MAF: variants seen among roughly 807,000 people sequenced by gnomAD.
MAF encodes the protein transcription factor Maf.
In MAF, 10 loss-of-function variants were observed where a neutral mutation model predicts 22.0. That is an observed-to-expected ratio of 0.45 (90% CI 0.28 to 0.77). The LOEUF is 0.77. Ranked by LOEUF, MAF falls within the 30% of genes least tolerant of loss-of-function variation. MAF has a pLI of 0.12. For synonymous variants in MAF, 337 were observed against 255.8 expected (o/e 1.32, Z -3.03); for missense variants, 544 against 548.4 (o/e 0.99, Z 0.08).
chr16:79,562,165 A>G, the MAF span, among the ~76,000 whole-genome samples: 4 of 152,112 alleles, frequency 2.6e-5, no homozygotes, highest in Non-Finnish European at 4.4e-5. Context: ...TCAACTTAAA[A>G]CATGTAATAT....
chr16:79,593,147 A>C (rs1913281755), downstream of MAF, among the ~76,000 whole-genome samples: 1 of 152,232 alleles, frequency 6.6e-6, no homozygotes, highest in South Asian at 2.1e-4. Context: ...CAGACTTTTA[A>C]ATATATTGAT....
chr16:79,573,161 G>A, the MAF span, among the ~76,000 whole-genome samples: 1 of 152,132 alleles, frequency 6.6e-6, no homozygotes, highest in Admixed American at 6.6e-5. Context: ...TTTATATTAA[G>A]GAAATTAGGT....
chr16:79,335,296 A>G, the MAF span, among the ~76,000 whole-genome samples: 2 of 152,098 alleles, frequency 1.3e-5, no homozygotes, highest in Admixed American at 1.3e-4. Context: ...ATCTCTTCAA[A>G]TCATTCTTTA....
chr16:79,404,069 T>C, the MAF span, among the ~76,000 whole-genome samples: 1 of 152,188 alleles, frequency 6.6e-6, no homozygotes, highest in Non-Finnish European at 1.5e-5. Context: ...TGAAACACTT[T>C]CCACCTTGAT....
the MAF span, among the ~76,000 whole-genome samples, chr16:79,277,292 G>C: frequency 7.1e-4 from 108 of 152,112 alleles, no homozygotes; most frequent in Non-Finnish European, 9.8e-4. Context: ...GGTACCAGGA[G>C]CTAGGACCTC....
chr16:79,496,667 T>C, the MAF span, among the ~76,000 whole-genome samples: 2 of 152,194 alleles, frequency 1.3e-5, no homozygotes, highest in East Asian at 3.8e-4. Flanking sequence ...AGGAAATTCT[T>C]CTCTTCATAA....
the MAF span, among the ~76,000 whole-genome samples, chr16:79,489,409 C>G: frequency 1.3e-5 from 2 of 152,064 alleles, no homozygotes; most frequent in Admixed American, 6.5e-5. Flanking sequence ...CATCAGTTCC[C>G]GTGATAAGAG....
the MAF span, among the ~76,000 whole-genome samples, chr16:79,265,527 T>G: frequency 6.6e-6 from 1 of 152,230 alleles, no homozygotes; most frequent in African/African-American, 2.4e-5. Context: ...CAGATAGTTC[T>G]GAACCCTATA....
At chr16:79,432,520 G>A in the MAF span, among the ~76,000 whole-genome samples, 2 of 152,054 alleles carry the variant, frequency 1.3e-5, no homozygotes, top group African/African-American at 4.8e-5. Context: ...ATATGAATAT[G>A]GTTTCTTTCT....
the MAF span, among the ~76,000 whole-genome samples, chr16:79,557,740 A>T: frequency 6.6e-6 from 1 of 152,082 alleles, no homozygotes; most frequent in Non-Finnish European, 1.5e-5. Flanking sequence ...TTTTTCATTT[A>T]TTCAACTCAT....
chr16:79,560,808 C>G, the MAF span, among the ~76,000 whole-genome samples: 10,672 of 152,300 alleles, frequency 0.07, 528 homozygotes, highest in Middle Eastern at 0.16. Flanking sequence ...GTCACCTCCA[C>G]TACCCTCCCA....
chr16:79,232,694 C>T, the MAF span, among the ~76,000 whole-genome samples: 2 of 152,048 alleles, frequency 1.3e-5, no homozygotes, highest in South Asian at 2.1e-4. Flanking sequence ...CTTTGTTCTC[C>T]ATGATGCCCT....
chr16:79,518,666 T>C, the MAF span, among the ~76,000 whole-genome samples: 39 of 152,354 alleles, frequency 2.6e-4, no homozygotes, highest in African/African-American at 9.4e-4. Context: ...ATAAAGTTAA[T>C]ATATGTAAAA....
chr16:79,418,472 AG>A, the MAF span, among the ~76,000 whole-genome samples: 2 of 152,176 alleles, frequency 1.3e-5, no homozygotes, highest in East Asian at 3.9e-4. Context: ...TTTCCTAATT[AG>A]TGCGCTGGGA....
the MAF span, among the ~76,000 whole-genome samples, chr16:79,486,333 C>G: frequency 6.6e-6 from 1 of 152,164 alleles, no homozygotes; most frequent in South Asian, 2.1e-4. Flanking sequence ...TTTTCACTCA[C>G]ATTTTGAAAA....
At chr16:79,479,510 C>T in the MAF span, among the ~76,000 whole-genome samples, 12 of 152,300 alleles carry the variant, frequency 7.9e-5, no homozygotes, top group South Asian at 2.5e-3. Context: ...AGGGCGGGGC[C>T]ATCACTGCAA....
the MAF span, among the ~76,000 whole-genome samples, chr16:79,555,593 A>C: frequency 6.6e-6 from 1 of 152,210 alleles, no homozygotes; most frequent in Admixed American, 6.5e-5. Context: ...CCCTAATCCA[A>C]AAATTTGAAG....
chr16:79,526,715 G>A, the MAF span, among the ~76,000 whole-genome samples: 5 of 152,160 alleles, frequency 3.3e-5, no homozygotes, highest in South Asian at 2.1e-4. Context: ...ACCCTGATCC[G>A]TAGCATTTGT....
At chr16:79,339,905 C>T in the MAF span, among the ~76,000 whole-genome samples, 2 of 152,178 alleles carry the variant, frequency 1.3e-5, no homozygotes, top group Non-Finnish European at 2.9e-5. Context: ...AAGCATCCTG[C>T]CAAGTTCTAA....
Sources: gnomAD v4.1 joint callset for allele counts (sites outside exome capture counted in the v4.1 genomes callset) on GRCh38, gnomAD v4.1.1 for gene constraint, MANE v1.5 for transcripts, NCBI Gene and HGNC (gene_info 2026-07-23, HGNC 2026-07-21) for gene names.